LARGE1: variants seen among roughly 807,000 people sequenced by gnomAD.
LARGE1 encodes the protein xylosyl- and glucuronyltransferase LARGE1.
A neutral mutation model predicts 87.6 loss-of-function variants in LARGE1; 43 were observed. The observed-to-expected ratio is 0.49, with a 90% CI of 0.38 to 0.63. The LOEUF (loss-of-function observed/expected upper bound fraction) is 0.63. Among genes scored for constraint, LARGE1 ranks in the 30% least tolerant of loss-of-function variants. The pLI, the probability that LARGE1 is intolerant of heterozygous loss-of-function variation, is 0.00. For missense variants in LARGE1, 802 were observed against 1,000.2 expected (o/e 0.80, Z 2.67); for synonymous variants, 434 against 394.6 (o/e 1.10, Z -1.18).
chr22:33,403,308 C>A (rs2065987074), intron 7 of LARGE1, among the ~76,000 whole-genome samples: 1 of 152,134 alleles, frequency 6.6e-6, no homozygotes, highest in South Asian at 2.1e-4. Context: ...TAACTTATTT[C>A]CTCTGGATCT....
At chr22:33,153,303 C>T in the LARGE1 span, among the ~76,000 whole-genome samples, 3 of 152,202 alleles carry the variant, frequency 2.0e-5, no homozygotes, top group African/African-American at 7.2e-5. Flanking sequence ...GCTGAAATTA[C>T]AGACACGTGC....
chr22:33,346,594 C>T (rs774945799), intron 9 of LARGE1, among the ~76,000 whole-genome samples: 4 of 152,156 alleles, frequency 2.6e-5, no homozygotes, highest in Non-Finnish European at 4.4e-5. Flanking sequence ...TGAGCCTCCG[C>T]GCCTGGCCTC....
At chr22:33,678,434 T>C (rs1243067574) in intron 2 of LARGE1, among the ~76,000 whole-genome samples, 2 of 152,096 alleles carry the variant, frequency 1.3e-5, no homozygotes, top group East Asian at 1.9e-4. Flanking sequence ...ACCACCTAAA[T>C]GCATACACAG....
At chr22:33,868,636 C>G (rs533195339) in intron 1 of LARGE1, among the ~76,000 whole-genome samples, 1 of 152,282 alleles carries the variant, frequency 6.6e-6, no homozygotes, top group South Asian at 2.1e-4. Flanking sequence ...CTCCCCTAAC[C>G]AGGCAGATTC....
At chr22:33,675,554 G>C (rs551133122) in intron 2 of LARGE1, among the ~76,000 whole-genome samples, 1 of 152,078 alleles carries the variant, frequency 6.6e-6, no homozygotes, top group Non-Finnish European at 1.5e-5. Context: ...AAGACAAAAC[G>C]AAGGCCAGTG....
intron 4 of LARGE1, among the ~76,000 whole-genome samples, chr22:33,611,704 C>T (rs2079434244): frequency 6.6e-6 from 1 of 152,146 alleles, no homozygotes; most frequent in Admixed American, 6.5e-5. Flanking sequence ...GTGAGGAGGA[C>T]ATGACATTTC....
intron 4 of LARGE1, among the ~76,000 whole-genome samples, chr22:33,624,326 C>T (rs1304674414): frequency 6.6e-6 from 1 of 152,086 alleles, no homozygotes; most frequent in African/African-American, 2.4e-5. Context: ...TACAGCAGAC[C>T]TGTCATTAAT....
At chr22:33,127,769 T>C in the LARGE1 span, among the ~76,000 whole-genome samples, 1 of 151,882 alleles carries the variant, frequency 6.6e-6, no homozygotes, top group African/African-American at 2.4e-5. Flanking sequence ...GCAAAAATGA[T>C]TGACTGACTG....
At chr22:33,311,693 T>A (rs1258882890) in intron 11 of LARGE1, among the ~76,000 whole-genome samples, 2 of 152,204 alleles carry the variant, frequency 1.3e-5, no homozygotes. Flanking sequence ...TTGCTTTTTT[T>A]TCTTTTCTAC....
intron 6 of LARGE1, among the ~76,000 whole-genome samples, chr22:33,474,202 T>C (rs1026951397): frequency 1.3e-5 from 2 of 152,178 alleles, no homozygotes; most frequent in Non-Finnish European, 2.9e-5. Context: ...TCACTCTCGT[T>C]GCCTAGGCTG....
At chr22:33,091,570 A>ATAAG in the LARGE1 span, among the ~76,000 whole-genome samples, 1 of 149,292 alleles carries the variant, frequency 6.7e-6, no homozygotes, top group African/African-American at 2.5e-5. Flanking sequence ...AAATAAATAA[A>ATAAG]TAAATAAATA....
chr22:33,837,295 CATAT>C (rs2063138762), intron 1 of LARGE1, among the ~76,000 whole-genome samples: 2 of 151,364 alleles, frequency 1.3e-5, no homozygotes, highest in Non-Finnish European at 1.5e-5. Context: ...TACATACATA[CATAT>C]GTGTACATAT....
chr22:33,556,204 T>C (rs2077670901), intron 6 of LARGE1, among the ~76,000 whole-genome samples: 2 of 151,984 alleles, frequency 1.3e-5, no homozygotes, highest in East Asian at 2.0e-4. Flanking sequence ...TGTGTTCAGA[T>C]GTATCTAGAA....
At chr22:33,828,438 A>C (rs1256262564) in intron 1 of LARGE1, among the ~76,000 whole-genome samples, 2 of 152,266 alleles carry the variant, frequency 1.3e-5, no homozygotes, top group African/African-American at 2.4e-5. Flanking sequence ...GATAGAAGAA[A>C]GGTGCTTAGA....
chr22:33,813,499 C>T (rs997437624), intron 1 of LARGE1, among the ~76,000 whole-genome samples: 10 of 152,012 alleles, frequency 6.6e-5, no homozygotes, highest in Non-Finnish European at 2.9e-5. Flanking sequence ...AACGGCCCAC[C>T]AGATACATAA....
intron 6 of LARGE1, among the ~76,000 whole-genome samples, chr22:33,561,581 G>C (rs1602442995): frequency 2.0e-5 from 3 of 152,208 alleles, no homozygotes; most frequent in Admixed American, 2.0e-4. Flanking sequence ...TCACCAAACA[G>C]TCTTATTCTT....
rs564217447 is a variant in LARGE1, at chr22:33,265,800, C to T, written c.1730+38429G>A. 7.9e-5 allele frequency among the ~76,000 whole-genome samples: 12 copies of T among 152,274 alleles called. No homozygotes were observed. The South Asian group carries it at 2.5e-3, about 32-fold the overall frequency. ...CACGCTGTTAAGGCTCCATAAATAT[C>T]TGGAAATAAGGGGATTCTTAAAGGT... On this transcript the variant is annotated intron_variant, in intron 11 of 11. Coordinates refer to the LARGE1 transcript ENST00000608642.
chr22:33,188,251 A>T (rs955171122), intron 11 of LARGE1, among the ~76,000 whole-genome samples: 6 of 152,126 alleles, frequency 3.9e-5, no homozygotes, highest in African/African-American at 1.4e-4. Context: ...CTAAGACACG[A>T]AATTAACGAG....
intron 6 of LARGE1, among the ~76,000 whole-genome samples, chr22:33,493,740 G>T (rs1355126339): frequency 1.3e-5 from 2 of 152,118 alleles, no homozygotes; most frequent in African/African-American, 4.8e-5. Context: ...TTGGGGCTGG[G>T]ATTCACAGCC....
Sources: allele counts gnomAD v4.1 joint callset (sites outside exome capture counted in the v4.1 genomes callset), GRCh38; gene constraint gnomAD v4.1.1; transcripts MANE v1.5; gene names NCBI Gene and HGNC (gene_info 2026-07-23, HGNC 2026-07-21).